Variants in PIAS2 observed in about 807,000 individuals in gnomAD.
PIAS2 encodes E3 SUMO-protein ligase PIAS2.
In PIAS2, 19 loss-of-function variants were observed where a neutral mutation model predicts 69.7. The ratio of observed to expected loss-of-function variants is 0.27; its 90% CI spans 0.19 to 0.40. The LOEUF is 0.40. Among genes scored for constraint, PIAS2 ranks in the 10% least tolerant of loss-of-function variants. The pLI is 1.00. For missense variants in PIAS2, 624 were observed against 757.0 expected (o/e 0.82, Z 2.06); for synonymous variants, 261 against 263.2 (o/e 0.99, Z 0.08).
chr18:46,862,376 T>TA (rs1277164852), intron 3 of PIAS2, among the ~76,000 whole-genome samples: 1 of 152,152 alleles, frequency 6.6e-6, no homozygotes, highest in East Asian at 1.9e-4. Flanking sequence ...TTCCCAAACT[T>TA]ACTTAACTGC....
In PIAS2 at chr18:46,901,081, T is replaced by G. The variant is rs1378497582; in HGVS notation, c.25-10027A>C. On this transcript the variant is annotated intron_variant, in intron 1 of 13. Coordinates refer to ENST00000585916, the MANE Select transcript of PIAS2 (RefSeq NM_004671.5). Reference sequence around the variant, plus strand: ...TATTTCCAAATTCATTTTATGAAACTAATATTACCATGATACCAAAACAAA... The same window carrying G: ...TATTTCCAAATTCATTTTATGAAACGAATATTACCATGATACCAAAACAAA... 4 of 390,662 alleles carry G rather than the reference T, an allele frequency of 1.0e-5. No homozygotes were observed. The Admixed American group carries it at 1.4e-4, about 14-fold the overall frequency. 24.2% of individuals were successfully genotyped at this position (390,662 alleles called of 1,614,324 possible).
At chr18:46,852,113 C>T (rs1298025742) in intron 5 of PIAS2, among the ~76,000 whole-genome samples, 2 of 152,208 alleles carry the variant, frequency 1.3e-5, no homozygotes, top group African/African-American at 4.8e-5. Flanking sequence ...TCTTCTGAGG[C>T]TGCAGCATAC....
chr18:46,863,287 T>C (rs1285723008), intron 3 of PIAS2, among the ~76,000 whole-genome samples: 1 of 152,158 alleles, frequency 6.6e-6, no homozygotes. Flanking sequence ...CACCCTGTCT[T>C]TGGGCTACTA....
At chr18:46,920,056 T>TA (rs1476482915), upstream of PIAS2, 1 of 1,289,482 alleles carries the variant, frequency 7.8e-7, no homozygotes, top group East Asian at 5.5e-5. Context: ...CACTGAAACT[T>TA]ACGTGCAGTG....
Position 46,844,756 on chromosome 18 carries a change from G to T in PIAS2, c.945C>A (p.Asn315Lys). Residue 315 changes from asparagine (N) to lysine (K), a missense_variant, in exon 7 of 14, where the codon AAC becomes AAA. This residue lies in a region of PIAS2 where 339 missense variants were observed against 408.8 expected (regional missense o/e 0.83). Transcript: ENST00000585916. Reference sequence around the variant, plus strand: ...TACTTAGTGCTCTGGAATGATCAGGGTTTCTAATACCTTTCATTTTTAATC... The same window carrying T: ...TACTTAGTGCTCTGGAATGATCAGGTTTTCTAATACCTTTCATTTTTAATC... ...LQRLKMKGIR[N>K]PDHSRALIKE... 4 of 1,446,064 alleles carry T rather than the reference G, an allele frequency of 2.8e-6. No individual in the cohort carries two copies. The highest frequency in any genetic ancestry group is 2.8e-6 in the Non-Finnish European group (3 of 1,087,950). The allele number at this position is 1,446,064 out of a possible 1,614,324, so 89.6% of individuals were successfully genotyped here. A position where few individuals can be genotyped will look rare whatever the true frequency, so the allele number is the denominator to read the frequency against.
Position 46,810,333 on chromosome 18 carries a change from A to C in PIAS2, c.*2100T>G, listed in dbSNP as rs894487946. 1 of 152,192 alleles carries C rather than the reference A, an allele frequency of 6.6e-6. No homozygotes were observed. Among genetic ancestry groups the C allele is most frequent in the African/African-American group, 2.4e-5 (1 of 41,460 alleles). 9.4% of individuals were successfully genotyped at this position (152,192 alleles called of 1,614,324 possible). The stretch of plus-strand genomic sequence containing the variant: ...AAATTGGGGGAGTCTCTGACAATCT[A>C]AAGGGTAACAAAATAACAAATATAC... On this transcript the variant is annotated 3_prime_UTR_variant, in exon 14 of 14. Transcript: ENST00000585916.
chr18:46,855,724 C>T, intron 3 of PIAS2, 109 bp from the exon 4 acceptor site: 1 of 813,240 alleles, frequency 1.2e-6, no homozygotes, highest in South Asian at 1.6e-5. Context: ...TTCTTATTCC[C>T]TGAAAGGTGA....
At chr18:46,846,618 A>T in intron 6 of PIAS2, 89 bp downstream of exon 6, 2 of 1,259,598 alleles carry the variant, frequency 1.6e-6, no homozygotes, top group Non-Finnish European at 2.1e-6. Flanking sequence ...AAAAACAGAA[A>T]GAGCTGAAGC....
chr18:46,875,568 G>A (rs1463391500), intron 2 of PIAS2, among the ~76,000 whole-genome samples: 1 of 152,142 alleles, frequency 6.6e-6, no homozygotes, highest in Non-Finnish European at 1.5e-5. Context: ...CAGACCCAGA[G>A]TCCGGGGAAT....
intron 11 of PIAS2, among the ~76,000 whole-genome samples, chr18:46,825,189 G>C (rs748609597): frequency 1.3e-5 from 2 of 151,996 alleles, no homozygotes; most frequent in Non-Finnish European, 2.9e-5. Flanking sequence ...CTACAAGAAA[G>C]GATATGAAAA....
At chr18:46,857,064 A>C (rs954998607) in intron 3 of PIAS2, among the ~76,000 whole-genome samples, 1 of 152,232 alleles carries the variant, frequency 6.6e-6, no homozygotes, top group African/African-American at 2.4e-5. Context: ...CAAGTGCCTA[A>C]ATATAAGATG....
At chr18:46,872,915 CCT>C (rs909491363) in intron 2 of PIAS2, among the ~76,000 whole-genome samples, 24 of 152,228 alleles carry the variant, frequency 1.6e-4, no homozygotes, top group Admixed American at 6.5e-4. Flanking sequence ...CATCACTGCC[CCT>C]GTCTTAGCCC....
intron 8 of PIAS2, 29 bp from the exon 9 acceptor site, chr18:46,836,546 A>T: frequency 6.3e-7 from 1 of 1,577,660 alleles, no homozygotes; most frequent in Non-Finnish European, 8.7e-7. Context: ...AAGGAAAACT[A>T]TTTCAGAAAG....
rs2040967667 is a variant in PIAS2 at position 46,811,061 on chromosome 18, T to C, written c.*1372A>G. ...ACCCAGTTTTCTCTGTGATTTAAAA[T>C]CAAACAAACACACTATAGAAGAGAA... is the stretch of plus-strand genomic sequence containing the variant. On this transcript the variant is annotated 3_prime_UTR_variant, in exon 14 of 14. Transcript: ENST00000585916. 1 of 152,082 alleles carries C rather than the reference T, an allele frequency of 6.6e-6. No homozygotes were observed. Among genetic ancestry groups the C allele is most frequent in the Admixed American group, 6.5e-5 (1 of 15,268 alleles). 9.4% of individuals were successfully genotyped at this position (152,082 alleles called of 1,614,324 possible). A position where few individuals can be genotyped will look rare whatever the true frequency, so the allele number is the denominator to read the frequency against.
chr18:46,901,185 A>C, intron 1 of PIAS2: 1 of 343,634 alleles, frequency 2.9e-6, no homozygotes, highest in Admixed American at 3.8e-5. Context: ...TGGGAGGCCA[A>C]GGCGGGCGGA....
At chr18:46,895,528 G>A (rs754478935) in intron 1 of PIAS2, among the ~76,000 whole-genome samples, 5 of 151,986 alleles carry the variant, frequency 3.3e-5, no homozygotes, top group Admixed American at 2.0e-4. Context: ...AAAATTAGCC[G>A]GGTGTGGTGT....
At chr18:46,891,143 C>A in intron 1 of PIAS2, 89 bp from the exon 2 acceptor site, 1 of 955,170 alleles carries the variant, frequency 1.0e-6, no homozygotes, top group Non-Finnish European at 1.6e-6. Flanking sequence ...GTGATTTTTC[C>A]AGCATTCTAT....
chr18:46,884,835 T>A (rs972547103), intron 2 of PIAS2, among the ~76,000 whole-genome samples: 1 of 151,818 alleles, frequency 6.6e-6, no homozygotes, highest in Non-Finnish European at 1.5e-5. Context: ...GAGAATCGCT[T>A]GAACCCAGGA....
chr18:46,917,537 G>A, upstream of PIAS2: 1 of 1,142,306 alleles, frequency 8.8e-7, no homozygotes, highest in Non-Finnish European at 1.1e-6. Flanking sequence ...CCTCCGACGC[G>A]CCGAAGCCCC....
Sources: allele counts gnomAD v4.1 joint callset (sites outside exome capture counted in the v4.1 genomes callset), GRCh38; gene constraint gnomAD v4.1.1; regional missense constraint gnomAD v4.1.1; transcripts MANE v1.5; gene names NCBI Gene and HGNC (gene_info 2026-07-23, HGNC 2026-07-21).